Variants in ZBTB2 observed in about 807,000 individuals in gnomAD.
ZBTB2 encodes the protein zinc finger and BTB domain containing 2, also known as zinc finger and BTB domain-containing protein 2.
A neutral mutation model predicts 39.5 loss-of-function variants in ZBTB2; 2 were observed. The observed-to-expected ratio is 0.05, with a 90% CI of 0.02 to 0.16. The LOEUF is 0.16. Ranked by LOEUF, ZBTB2 falls within the 10% of genes least tolerant of loss-of-function variation. ZBTB2 has a pLI of 1.00. For missense variants in ZBTB2, 391 were observed against 653.0 expected, an observed-to-expected ratio of 0.60 and a Z score of 4.37; for synonymous variants, 251 against 256.6, an observed-to-expected ratio of 0.98 and a Z score of 0.21.
At chr6:151,368,294 C>T (rs1778693736) in intron 2 of ZBTB2, among the ~76,000 whole-genome samples, 1 of 151,668 alleles carries the variant, frequency 6.6e-6, no homozygotes, top group South Asian at 2.1e-4. Context: ...CTACAGGTGT[C>T]CGCCACCACA....
Position 151,372,110 on chromosome 6 carries a change from T to A in ZBTB2, c.173+1355A>T, listed in dbSNP as rs1778800871. On this transcript the variant is annotated intron_variant, in intron 2 of 2. Coordinates refer to ENST00000325144, the MANE Select transcript of ZBTB2 (RefSeq NM_020861.3). ...GATCTAGGAAAAAGACACACACCCA[T>A]AGGAAGGGTGCAAAAGACAAAATTT... is the stretch of plus-strand genomic sequence containing the variant. Among the ~76,000 whole-genome samples, 7 of 151,904 alleles carry A rather than the reference T, an allele frequency of 4.6e-5. No homozygotes were observed. In the South Asian group the frequency reaches 1.5e-3, roughly 32 times the overall value.
At chr6:151,373,934 C>G (rs186203717) in intron 1 of ZBTB2, among the ~76,000 whole-genome samples, 342 of 145,198 alleles carry the variant, frequency 2.4e-3, no homozygotes, top group East Asian at 0.01. Context: ...CAAGCTCACA[C>G]AGATGGTAAT....
chr6:151,379,783 AT>A (rs1392459997), intron 1 of ZBTB2, among the ~76,000 whole-genome samples: 2 of 152,016 alleles, frequency 1.3e-5, no homozygotes, highest in Admixed American at 1.3e-4. Flanking sequence ...ACACAATTTT[AT>A]GTTTTAATGC....
intron 2 of ZBTB2, among the ~76,000 whole-genome samples, chr6:151,370,344 C>T (rs946300683): frequency 6.6e-6 from 1 of 152,166 alleles, no homozygotes; most frequent in African/African-American, 2.4e-5. Context: ...CCATGTTGGC[C>T]AGGCTGGTTG....
intron 1 of ZBTB2, among the ~76,000 whole-genome samples, chr6:151,388,728 GAA>G (rs1281561436): frequency 6.6e-6 from 1 of 152,182 alleles, no homozygotes; most frequent in African/African-American, 2.4e-5. Context: ...GGAGGTTACT[GAA>G]AAGTTGATAT....
chr6:151,382,086 C>T (rs1582922295), intron 1 of ZBTB2, among the ~76,000 whole-genome samples: 3 of 152,120 alleles, frequency 2.0e-5, no homozygotes, highest in African/African-American at 4.8e-5. Context: ...TGTTACTGTA[C>T]TGTAGGCAAT....
chr6:151,373,843 TAAAAAAA>T (rs200070063), intron 1 of ZBTB2, among the ~76,000 whole-genome samples, 194 bp from the exon 2 acceptor site: 10 of 45,994 alleles, frequency 2.2e-4, no homozygotes, highest in East Asian at 1.1e-3. Flanking sequence ...ATTATGCCTT[TAAAAAAA>T]AAAAAAAAAA....
chr6:151,378,579 T>TC (rs1778964757), intron 1 of ZBTB2, among the ~76,000 whole-genome samples: 1 of 152,216 alleles, frequency 6.6e-6, no homozygotes, highest in Admixed American at 6.5e-5. Context: ...AAGCTTGTCT[T>TC]CAAGGTTATT....
At chr6:151,383,221 G>A (rs1247327977) in intron 1 of ZBTB2, among the ~76,000 whole-genome samples, 1 of 151,868 alleles carries the variant, frequency 6.6e-6, no homozygotes, top group Non-Finnish European at 1.5e-5. Context: ...CACCAGGCCT[G>A]TATCTAATTT....
At position 151,369,239 on chromosome 6, in the gene ZBTB2, G is replaced by T. The variant is rs183709776; in HGVS notation, c.174-2347C>A. On this transcript the variant is annotated intron_variant, in intron 2 of 2. Transcript: ENST00000325144. Reference sequence around the variant, plus strand: ...ACACCTTGGCCCACACTTTAGGCAGGCCTGGAGGGAGGACTCCAAGGGGCC... The same window carrying T: ...ACACCTTGGCCCACACTTTAGGCAGTCCTGGAGGGAGGACTCCAAGGGGCC... Among the ~76,000 whole-genome samples the T allele has an allele frequency of 3.9e-5, 6 of 152,318 alleles. No individual in the cohort carries two copies. The East Asian group carries it at 1.2e-3, about 29-fold the overall frequency.
At chr6:151,387,692 A>G (rs1779190964) in intron 1 of ZBTB2, among the ~76,000 whole-genome samples, 1 of 152,234 alleles carries the variant, frequency 6.6e-6, no homozygotes, top group Non-Finnish European at 1.5e-5. Context: ...TTAGCCAGAT[A>G]CATAAAAGTA....
intron 1 of ZBTB2, among the ~76,000 whole-genome samples, chr6:151,390,764 C>A (rs1365150259): frequency 1.3e-5 from 2 of 150,952 alleles, no homozygotes; most frequent in African/African-American, 2.4e-5. Context: ...CTCCCCTCCC[C>A]CTCCCTCCTC....
At chr6:151,371,145 T>C (rs920106937) in intron 2 of ZBTB2, among the ~76,000 whole-genome samples, 3 of 152,148 alleles carry the variant, frequency 2.0e-5, no homozygotes, top group Admixed American at 6.5e-5. Context: ...ATCCTTAGTA[T>C]TGCCAGAGGA....
chr6:151,379,147 T>C (rs1398265104), intron 1 of ZBTB2, among the ~76,000 whole-genome samples: 3 of 152,238 alleles, frequency 2.0e-5, no homozygotes, highest in African/African-American at 7.2e-5. Flanking sequence ...GTGAGATTTT[T>C]CTATCCACCT....
intron 1 of ZBTB2, among the ~76,000 whole-genome samples, chr6:151,390,200 A>G (rs563598539): frequency 1.5e-3 from 228 of 151,872 alleles, no homozygotes; most frequent in Non-Finnish European, 2.6e-3. Context: ...CTCAGCGAGC[A>G]GGCGACAAGG....
intron 1 of ZBTB2, among the ~76,000 whole-genome samples, chr6:151,377,163 T>G (rs1304361710): frequency 1.6e-4 from 20 of 126,850 alleles, no homozygotes; most frequent in Admixed American, 2.5e-4. Context: ...GTGGGGGGGG[T>G]GTGGGGTAGT....
chr6:151,372,342 G>A (rs751741136), intron 2 of ZBTB2, among the ~76,000 whole-genome samples: 17 of 152,114 alleles, frequency 1.1e-4, no homozygotes, highest in African/African-American at 2.9e-4. Flanking sequence ...ACCACAGCGC[G>A]CACTGATAGG....
intron 1 of ZBTB2, among the ~76,000 whole-genome samples, chr6:151,390,447 C>T (rs1477966537): frequency 1.3e-5 from 2 of 149,664 alleles, no homozygotes; most frequent in African/African-American, 4.9e-5. Flanking sequence ...CGCGTGCGCG[C>T]GCGCGCTCGC....
intron 2 of ZBTB2, among the ~76,000 whole-genome samples, chr6:151,372,251 A>G (rs954161931): frequency 4.6e-5 from 7 of 152,252 alleles, no homozygotes; most frequent in African/African-American, 1.4e-4. Flanking sequence ...ACAGGATGCT[A>G]GAAGGCTGAG....
Sources: gnomAD v4.1 joint callset for allele counts (sites outside exome capture counted in the v4.1 genomes callset) on GRCh38, gnomAD v4.1.1 for gene constraint, MANE v1.5 for transcripts, NCBI Gene and HGNC (gene_info 2026-07-23, HGNC 2026-07-21) for gene names.